ZFYVE9: variants seen among roughly 807,000 people sequenced by gnomAD.
The protein encoded by ZFYVE9 is zinc finger FYVE-type containing 9, also known as zinc finger FYVE domain-containing protein 9.
A neutral mutation model predicts 126.7 loss-of-function variants in ZFYVE9; 43 were observed. That is an observed-to-expected ratio of 0.34 (90% confidence interval 0.27 to 0.44). The LOEUF (loss-of-function observed/expected upper bound fraction) is 0.44, where lower values mean the gene tolerates loss of function less well. Among genes scored for constraint, ZFYVE9 ranks in the 20% least tolerant of loss-of-function variants. ZFYVE9 has a pLI of 1.00. For synonymous variants in ZFYVE9, 521 were observed against 597.4 expected, an observed-to-expected ratio of 0.87 and a Z score of 1.87; for missense variants, 1,476 against 1,697.0, an observed-to-expected ratio of 0.87 and a Z score of 2.29.
At chr1:52,260,777 A>G (rs893489739) in intron 4 of ZFYVE9, among the ~76,000 whole-genome samples, 1 of 152,120 alleles carries the variant, frequency 6.6e-6, no homozygotes, top group Non-Finnish European at 1.5e-5. Flanking sequence ...AGATCACACC[A>G]TTGCACTCCA....
chr1:52,191,842 A>G (rs1014294008), intron 1 of ZFYVE9, among the ~76,000 whole-genome samples: 3 of 152,228 alleles, frequency 2.0e-5, no homozygotes, highest in Non-Finnish European at 4.4e-5. Flanking sequence ...GAGCTCAACC[A>G]GGGAATGGTA....
intron 13 of ZFYVE9, among the ~76,000 whole-genome samples, chr1:52,312,344 G>A (rs1646146469): frequency 6.6e-6 from 1 of 152,112 alleles, no homozygotes; most frequent in African/African-American, 2.4e-5. Flanking sequence ...AATATGCATA[G>A]GCTCTATTAC....
intron 13 of ZFYVE9, among the ~76,000 whole-genome samples, chr1:52,319,037 C>A (rs2147857021): frequency 6.6e-6 from 1 of 152,256 alleles, no homozygotes. Context: ...GCAGAGGTTG[C>A]AGTGAGCTGA....
chr1:52,173,606 A>T (rs1424599334), intron 1 of ZFYVE9, among the ~76,000 whole-genome samples: 1 of 152,176 alleles, frequency 6.6e-6, no homozygotes, highest in Non-Finnish European at 1.5e-5. Flanking sequence ...CCTCTGGTAG[A>T]ATTCGGCTGT....
chr1:52,142,163 G>A lies in ZFYVE9; in HGVS notation c.-383G>A, dbSNP rs1644262921. ...CGTCCCGCCGCAGCCTTGCGCCCCC[G>A]GCCCGGCTCGGCGGCGCTCCTCCGG... On this transcript the variant is annotated 5_prime_UTR_variant, in exon 1 of 19. Transcript: ENST00000287727. The surrounding 1 kb of genome is among the most constrained non-coding windows in gnomAD (Gnocchi z 4.5). 1 of 151,384 alleles carries A rather than the reference G, an allele frequency of 6.6e-6. No homozygotes were observed. Among genetic ancestry groups the A allele is most frequent in the Non-Finnish European group, 1.5e-5 (1 of 67,770 alleles). 9.4% of individuals were successfully genotyped at this position (151,384 alleles called of 1,614,324 possible). A position where few individuals can be genotyped will look rare whatever the true frequency, so the allele number is the denominator to read the frequency against.
chr1:52,281,135 C>CTT (rs539866378), intron 9 of ZFYVE9, among the ~76,000 whole-genome samples: 82 of 137,222 alleles, frequency 6.0e-4, no homozygotes, highest in African/African-American at 1.5e-3. Context: ...CTTTTCTTTT[C>CTT]TTTTTTTTTT....
intron 10 of ZFYVE9, 29 bp downstream of exon 10, chr1:52,281,845 C>G: frequency 1.9e-6 from 3 of 1,610,492 alleles, no homozygotes; most frequent in Non-Finnish European, 2.5e-6. Context: ...TTAGTCTGCT[C>G]CCTTTGTAGA....
intron 1 of ZFYVE9, among the ~76,000 whole-genome samples, chr1:52,163,369 C>T (rs551030210): frequency 2.0e-5 from 3 of 152,338 alleles, no homozygotes; most frequent in East Asian, 3.9e-4. Flanking sequence ...CAAGTCTTGG[C>T]TCGAGGGCCA....
intron 12 of ZFYVE9, among the ~76,000 whole-genome samples, chr1:52,303,020 G>T (rs934819054): frequency 1.3e-5 from 2 of 152,088 alleles, no homozygotes; most frequent in Admixed American, 1.3e-4. Context: ...TGAGGCATGA[G>T]ACTCGCTTGA....
At chr1:52,228,107 C>T (rs915519017) in intron 2 of ZFYVE9, among the ~76,000 whole-genome samples, 1 of 152,046 alleles carries the variant, frequency 6.6e-6, no homozygotes, top group African/African-American at 2.4e-5. Context: ...GAGACAGGGT[C>T]TCACTCTGTT....
chr1:52,234,402 A>C (rs1239928781), intron 3 of ZFYVE9, among the ~76,000 whole-genome samples: 1 of 152,226 alleles, frequency 6.6e-6, no homozygotes. Flanking sequence ...TAGAGGCTGC[A>C]GTGAGCTGTG....
At chr1:52,270,163 T>G (rs1049197330) in intron 7 of ZFYVE9, among the ~76,000 whole-genome samples, 1 of 152,230 alleles carries the variant, frequency 6.6e-6, no homozygotes, top group Non-Finnish European at 1.5e-5. Flanking sequence ...AAAGTCATTT[T>G]CTTATACAAC....
At chr1:52,232,728 CAAAAAAAA>C (rs552213191) in intron 2 of ZFYVE9, among the ~76,000 whole-genome samples, 11 of 27,356 alleles carry the variant, frequency 4.0e-4, no homozygotes, top group East Asian at 1.2e-3. Flanking sequence ...GACTCTGTCT[CAAAAAAAA>C]AAAAAAAAAA....
chr1:52,319,585 T>G (rs910925249), intron 13 of ZFYVE9, among the ~76,000 whole-genome samples: 3 of 151,446 alleles, frequency 2.0e-5, no homozygotes, highest in African/African-American at 7.3e-5. Context: ...GATCGCACCA[T>G]TGTACTCCAG....
chr1:52,253,477 A>G, intron 4 of ZFYVE9: 2 of 575,160 alleles, frequency 3.5e-6, no homozygotes, highest in African/African-American at 1.8e-5. Context: ...AGTGAAATTG[A>G]CACTGGCATA....
At chr1:52,154,397 C>G (rs2124500411) in intron 1 of ZFYVE9, among the ~76,000 whole-genome samples, 1 of 152,320 alleles carries the variant, frequency 6.6e-6, no homozygotes, top group South Asian at 2.1e-4. Flanking sequence ...AAATGGGAGT[C>G]CATGTCTCCT....
chr1:52,299,480 G>C (rs535673795), intron 12 of ZFYVE9, among the ~76,000 whole-genome samples: 8 of 152,188 alleles, frequency 5.3e-5, no homozygotes, highest in Non-Finnish European at 8.8e-5. Flanking sequence ...TCTTGTTCCT[G>C]TTCTTTGAGG....
intron 1 of ZFYVE9, among the ~76,000 whole-genome samples, chr1:52,202,399 GC>G (rs1357707546): frequency 1.3e-5 from 2 of 151,510 alleles, no homozygotes; most frequent in African/African-American, 4.9e-5. Flanking sequence ...CCTGCATTAG[GC>G]TCCCAAGTAG....
chr1:52,228,462 A>C (rs1421633672), intron 2 of ZFYVE9, among the ~76,000 whole-genome samples: 1 of 152,208 alleles, frequency 6.6e-6, no homozygotes, highest in African/African-American at 2.4e-5. Context: ...TTAAGCCTGC[A>C]GAAAAATGGA....
Sources: allele counts gnomAD v4.1 joint callset (sites outside exome capture counted in the v4.1 genomes callset), GRCh38; gene constraint gnomAD v4.1.1; non-coding constraint Gnocchi (gnomAD v3.1); transcripts MANE v1.5; gene names NCBI Gene and HGNC (gene_info 2026-07-23, HGNC 2026-07-21).